MLLT10: variants seen among roughly 807,000 people sequenced by gnomAD.
The protein encoded by MLLT10 is protein AF-10.
A neutral mutation model predicts 129.1 loss-of-function variants in MLLT10; 30 were observed. The observed-to-expected ratio is 0.23, with a 90% CI of 0.17 to 0.32. The LOEUF is 0.32. Ranked by LOEUF, MLLT10 falls within the 10% of genes least tolerant of loss-of-function variation. The probability of loss-of-function intolerance (pLI) is 1.00; values close to 1 mark genes in which losing one functional copy is unlikely to be tolerated. For synonymous variants in MLLT10, 490 were observed against 446.4 expected, an observed-to-expected ratio of 1.10 and a Z score of -1.23; for missense variants, 1,119 against 1,268.3, an observed-to-expected ratio of 0.88 and a Z score of 1.79.
intron 5 of MLLT10, among the ~76,000 whole-genome samples, chr10:21,596,898 G>C (rs185512067): frequency 6.6e-6 from 1 of 152,038 alleles, no homozygotes; most frequent in Admixed American, 6.6e-5. Context: ...TTGTTGTTGG[G>C]ATTCTAGCAG....
intron 21 of MLLT10, 72 bp downstream of exon 21, chr10:21,735,307 G>C: frequency 1.6e-6 from 2 of 1,257,534 alleles, no homozygotes; most frequent in Non-Finnish European, 2.3e-6. Flanking sequence ...TGTGGGTACA[G>C]ATTTCTCCTT....
chr10:21,552,123 C>T (rs757275312), intron 3 of MLLT10, among the ~76,000 whole-genome samples: 2 of 152,024 alleles, frequency 1.3e-5, no homozygotes, highest in Admixed American at 6.6e-5. Flanking sequence ...GATGGGGTCT[C>T]ACTATGTTGC....
chr10:21,651,806 G>T (rs1169183608), intron 9 of MLLT10, 38 bp downstream of exon 9: 2 of 1,357,000 alleles, frequency 1.5e-6, no homozygotes, highest in Non-Finnish European at 2.0e-6. Context: ...TATGTAATAA[G>T]TAGTTATTGT....
At chr10:21,692,321 A>ATAT (rs149552027) in intron 13 of MLLT10, among the ~76,000 whole-genome samples, 2,672 of 150,682 alleles carry the variant, frequency 0.018, 51 homozygotes, top group South Asian at 0.066. Context: ...CACAATGGTT[A>ATAT]TATTATTATT....
chr10:21,689,659 A>T lies in MLLT10; in HGVS notation c.1699+7402A>T, dbSNP rs560885953. ...CACACATTTATATATATATATATAT[A>T]TATTTTTTTTTTCTTGGCATGTTTT... On this transcript the variant is annotated intron_variant, in intron 13 of 22. Transcript: ENST00000307729. 8.2e-3 allele frequency among the ~76,000 whole-genome samples: 1,160 copies of T among 141,786 alleles called. 13 individuals are homozygous for T. Among genetic ancestry groups the T allele is most frequent in the African/African-American group, 0.022 (836 of 38,044 alleles). The allele number at this position is 141,786 out of a possible 152,430, so 93.0% of individuals were successfully genotyped here.
intron 8 of MLLT10, among the ~76,000 whole-genome samples, chr10:21,646,443 A>G (rs1487355666): frequency 6.6e-6 from 1 of 150,388 alleles, no homozygotes; most frequent in African/African-American, 2.4e-5. Flanking sequence ...GATTTTCATC[A>G]TGGGTGCCTT....
chr10:21,735,466 A>G (rs1278604927), intron 21 of MLLT10, among the ~76,000 whole-genome samples: 1 of 152,220 alleles, frequency 6.6e-6, no homozygotes, highest in African/African-American at 2.4e-5. Flanking sequence ...CTGGTAACAC[A>G]GTGCTGAGAT....
chr10:21,692,530 A>G lies in MLLT10; in HGVS notation c.1699+10273A>G, dbSNP rs924382838. On this transcript the variant is annotated intron_variant, in intron 13 of 22. Transcript: ENST00000307729. ...GAGAGTCTTGCTTAGTCCAGGCTGGAGTAGAGTTGTGCCGTCATAGCTCAC... is the reference window on the plus strand; with the variant it reads ...GAGAGTCTTGCTTAGTCCAGGCTGGGGTAGAGTTGTGCCGTCATAGCTCAC... Among the ~76,000 whole-genome samples, 10 of 151,978 alleles carry G rather than the reference A, an allele frequency of 6.6e-5. No individual in the cohort carries two copies. In the East Asian group the frequency reaches 7.7e-4, roughly 12 times the overall value.
intron 3 of MLLT10, among the ~76,000 whole-genome samples, chr10:21,584,540 CT>C (rs2041807903): frequency 6.6e-6 from 1 of 151,974 alleles, no homozygotes; most frequent in African/African-American, 2.4e-5. Context: ...TCTCGAACTC[CT>C]GACCTCAAGT....
intron 4 of MLLT10, among the ~76,000 whole-genome samples, chr10:21,588,321 C>A (rs1157624751): frequency 1.3e-5 from 2 of 152,160 alleles, no homozygotes; most frequent in South Asian, 2.1e-4. Flanking sequence ...ACTGCCTCGG[C>A]CTTCCAAAGT....
At chr10:21,595,549 GA>G (rs1371316553) in intron 5 of MLLT10, 109 bp downstream of exon 5, 15 of 777,756 alleles carry the variant, frequency 1.9e-5, no homozygotes, top group South Asian at 4.9e-5. Context: ...GGGAGATTTG[GA>G]AAAAAAATTA....
chr10:21,555,423 A>C (rs981553461), intron 3 of MLLT10, among the ~76,000 whole-genome samples: 3 of 150,976 alleles, frequency 2.0e-5, no homozygotes, highest in Non-Finnish European at 2.9e-5. Context: ...GGGTTTTGCC[A>C]TGTTGGCCAT....
At chr10:21,732,855 T>C (rs2058074323) in intron 17 of MLLT10, 44 bp from the exon 18 acceptor site, 1 of 1,533,912 alleles carries the variant, frequency 6.5e-7, no homozygotes, top group Non-Finnish European at 8.9e-7. Context: ...CTTAGTCTTA[T>C]GTGTGTACTT....
At chr10:21,716,816 T>C (rs1403783958) in intron 14 of MLLT10, among the ~76,000 whole-genome samples, 1 of 152,144 alleles carries the variant, frequency 6.6e-6, no homozygotes, top group Non-Finnish European at 1.5e-5. Flanking sequence ...TTGAATAACA[T>C]TTTGTGCCCC....
intron 2 of MLLT10, 142 bp downstream of exon 2, chr10:21,534,946 G>T (rs1216888864): frequency 8.4e-6 from 3 of 358,170 alleles, no homozygotes; most frequent in Non-Finnish European, 1.2e-5. Flanking sequence ...GGGGCGCGGG[G>T]GGTGTGGGCC....
At chr10:21,686,609 T>C (rs149134839) in intron 13 of MLLT10, among the ~76,000 whole-genome samples, 1 of 152,294 alleles carries the variant, frequency 6.6e-6, no homozygotes, top group Admixed American at 6.5e-5. Flanking sequence ...ACCGCCTTCA[T>C]TAAGTCCTAA....
rs567875668 is a variant in MLLT10 at position 21,577,031 on chromosome 10, C to G, written c.241-9263C>G. Among the ~76,000 whole-genome samples the G allele has an allele frequency of 5.9e-5, 9 of 152,314 alleles. No individual in the cohort carries two copies. The South Asian group carries it at 1.0e-3, about 18-fold the overall frequency. ...CCTTTGGCCCATTAACAGTCACTCT[C>G]CATTACCCTACTTCCCCAGCTCCTG... On this transcript the variant is annotated intron_variant, in intron 3 of 22. Coordinates refer to ENST00000307729, the MANE Select transcript of MLLT10 (RefSeq NM_001195626.3).
chr10:21,713,932 T>C lies in MLLT10; in HGVS notation c.1860T>C (p.Pro620=), dbSNP rs1313088290. ...CCTCAGCTGTGTCATCTGCAGCCCCTGCTGTTGCTACAACTCAGGTAAGTT... is the reference window on the plus strand; with the variant it reads ...CCTCAGCTGTGTCATCTGCAGCCCCCGCTGTTGCTACAACTCAGGTAAGTT... ...LSPSAVSSAA[P]AVATTQANTL... Residue 620 remains proline (P), a synonymous_variant, in exon 14 of 23, where the codon CCT becomes CCC. Coordinates refer to ENST00000307729, the MANE Select transcript of MLLT10 (RefSeq NM_001195626.3). The C allele has an allele frequency of 1.2e-6, 2 of 1,612,122 alleles. No individual in the cohort carries two copies. Among genetic ancestry groups the C allele is most frequent in the African/African-American group, 2.7e-5 (2 of 74,816 alleles).
At chr10:21,721,221 A>G (rs1564718394) in intron 14 of MLLT10, among the ~76,000 whole-genome samples, 1 of 152,186 alleles carries the variant, frequency 6.6e-6, no homozygotes, top group Non-Finnish European at 1.5e-5. Context: ...TGCTTGCTAT[A>G]TATAACCTGT....
Sources: gnomAD v4.1 joint callset for allele counts (sites outside exome capture counted in the v4.1 genomes callset) on GRCh38, gnomAD v4.1.1 for gene constraint, MANE v1.5 for transcripts, NCBI Gene and HGNC (gene_info 2026-07-23, HGNC 2026-07-21) for gene names.